The following PRKCI variants were observed in gnomAD, a reference collection of about 807,000 sequenced individuals.
The protein encoded by PRKCI is protein kinase C iota type.
A neutral mutation model predicts 84.0 loss-of-function variants in PRKCI; 43 were observed. The observed-to-expected ratio is 0.51, with a 90% CI of 0.40 to 0.66. PRKCI has a LOEUF of 0.66. Among genes scored for constraint, PRKCI ranks in the 30% least tolerant of loss-of-function variants. PRKCI has a pLI of 0.00. For missense variants in PRKCI, 459 were observed against 745.6 expected (o/e 0.62, Z 4.48); for synonymous variants, 216 against 234.4 (o/e 0.92, Z 0.72).
Position 170,295,180 on chromosome 3 carries a change from C to G in PRKCI, c.1418-731C>G, listed in dbSNP as rs868079104. Among the ~76,000 whole-genome samples, 5 of 151,108 alleles carry G rather than the reference C, an allele frequency of 3.3e-5. No individual in the cohort carries two copies. In the Middle Eastern group the frequency reaches 0.014, roughly 417 times the overall value. ...GAGCTGAGATCGTGCCACTGCACTC[C>G]AGTCTGGGCAAGACAGTGACACTCT... is the stretch of plus-strand genomic sequence containing the variant. On this transcript the variant is annotated intron_variant, in intron 14 of 17. Coordinates refer to ENST00000295797, the MANE Select transcript of PRKCI (RefSeq NM_002740.6).
intron 2 of PRKCI, among the ~76,000 whole-genome samples, chr3:170,239,539 G>C (rs182452333): frequency 1.3e-5 from 2 of 152,076 alleles, no homozygotes; most frequent in Admixed American, 6.6e-5. Context: ...TTTATTAGAC[G>C]TACTTAGTTT....
chr3:170,305,757 A>G lies in PRKCI; in HGVS notation c.*2630A>G, dbSNP rs1399650340. The G allele has an allele frequency of 6.6e-6, 1 of 152,192 alleles. No homozygotes were observed. The highest frequency in any genetic ancestry group is 1.5e-5 in the Non-Finnish European group (1 of 68,026). 9.4% of individuals were successfully genotyped at this position (152,192 alleles called of 1,614,324 possible). Reference sequence around the variant, plus strand: ...ATGGTTGGAATTTTGGCTTTCTAAGAAAAACTTTATTTTGCATAAGCATGT... The same window carrying G: ...ATGGTTGGAATTTTGGCTTTCTAAGGAAAACTTTATTTTGCATAAGCATGT... On this transcript the variant is annotated 3_prime_UTR_variant, in exon 18 of 18. Coordinates refer to ENST00000295797, the MANE Select transcript of PRKCI (RefSeq NM_002740.6).
Position 170,226,120 on chromosome 3 carries a change from C to T in PRKCI, c.101+3350C>T, listed in dbSNP as rs574013945. On this transcript the variant is annotated intron_variant, in intron 1 of 17. Coordinates refer to ENST00000295797, the MANE Select transcript of PRKCI (RefSeq NM_002740.6). ...AGAGACGGGTTTTCACCATGTTGGCCAGGTTGGTCTCCCAACTTCTGACCT... is the reference window on the plus strand; with the variant it reads ...AGAGACGGGTTTTCACCATGTTGGCTAGGTTGGTCTCCCAACTTCTGACCT... 3.9e-5 allele frequency among the ~76,000 whole-genome samples: 6 copies of T among 152,246 alleles called. No individual in the cohort carries two copies. In the South Asian group the frequency reaches 1.2e-3, roughly 32 times the overall value.
intron 2 of PRKCI, among the ~76,000 whole-genome samples, chr3:170,250,860 T>C (rs73034354): frequency 0.037 from 5,558 of 152,266 alleles, 170 homozygotes; most frequent in East Asian, 0.085. Context: ...ACTTGTTATT[T>C]ATCAGTGTAC....
intron 5 of PRKCI, among the ~76,000 whole-genome samples, chr3:170,269,118 T>C (rs543149882): frequency 3.9e-5 from 6 of 152,274 alleles, no homozygotes; most frequent in Non-Finnish European, 7.4e-5. Context: ...TTATACCTTG[T>C]TGGCCAAGCT....
At chr3:170,250,115 AC>A (rs58033753) in intron 2 of PRKCI, among the ~76,000 whole-genome samples, 18,295 of 151,674 alleles carry the variant, frequency 0.12, 1,321 homozygotes, top group East Asian at 0.25. Context: ...AAATACAAAA[AC>A]AAAAAAATTA....
In PRKCI at chr3:170,304,155, C is replaced by T. The variant is rs1405545817; in HGVS notation, c.*1028C>T. ...TTCCCTTTATTGGAAACTTTAACTG[C>T]AGTGTTAATATATACACTGCAAAAG... On this transcript the variant is annotated 3_prime_UTR_variant, in exon 18 of 18. Transcript: ENST00000295797. The T allele has an allele frequency of 6.6e-6, 1 of 151,982 alleles. No individual in the cohort carries two copies. The highest frequency in any genetic ancestry group is 1.9e-4 in the East Asian group (1 of 5,190). The allele number at this position is 151,982 out of a possible 1,614,324, so 9.4% of individuals were successfully genotyped here. A position where few individuals can be genotyped will look rare whatever the true frequency, so the allele number is the denominator to read the frequency against.
chr3:170,293,661 G>A (rs1392052635), intron 14 of PRKCI, among the ~76,000 whole-genome samples, 153 bp downstream of exon 14: 1 of 152,066 alleles, frequency 6.6e-6, no homozygotes, highest in Admixed American at 6.6e-5. Context: ...TGTTGTTTTT[G>A]TTTGTTTTTG....
chr3:170,263,582 G>A (rs71277167), intron 4 of PRKCI, among the ~76,000 whole-genome samples, 153 bp downstream of exon 4: 2,352 of 152,030 alleles, frequency 0.015, 39 homozygotes, highest in East Asian at 0.085. Flanking sequence ...TGGGAGGATC[G>A]CTTAAGCCCA....
At chr3:170,289,223 CGTT>C (rs1734476078) in intron 12 of PRKCI, among the ~76,000 whole-genome samples, 1 of 152,010 alleles carries the variant, frequency 6.6e-6, no homozygotes, top group Non-Finnish European at 1.5e-5. Flanking sequence ...AATGTATTGC[CGTT>C]GCCAATAATA....
intron 3 of PRKCI, 138 bp downstream of exon 3, chr3:170,260,196 TTAG>T (rs1733688739): frequency 7.0e-6 from 4 of 568,694 alleles, no homozygotes; most frequent in Non-Finnish European, 1.2e-5. Flanking sequence ...TTGTCGTTAT[TTAG>T]TAGTTTCTCA....
chr3:170,300,167 C>T (rs1295432376), intron 17 of PRKCI, among the ~76,000 whole-genome samples: 1 of 152,216 alleles, frequency 6.6e-6, no homozygotes, highest in Non-Finnish European at 1.5e-5. Context: ...ACAGTCTCTT[C>T]ATTTCAGAAG....
intron 2 of PRKCI, among the ~76,000 whole-genome samples, chr3:170,254,765 C>T (rs1243079490): frequency 6.6e-6 from 1 of 152,130 alleles, no homozygotes; most frequent in African/African-American, 2.4e-5. Flanking sequence ...GTGATCCCTC[C>T]AGTTTTGTTC....
intron 12 of PRKCI, among the ~76,000 whole-genome samples, chr3:170,285,576 G>A (rs545023288): frequency 6.6e-6 from 1 of 152,290 alleles, no homozygotes; most frequent in African/African-American, 2.4e-5. Flanking sequence ...AGAGCCTGGA[G>A]ATTATCTAAA....
At chr3:170,273,171 A>G in intron 6 of PRKCI, 115 bp from the exon 7 acceptor site, 1 of 810,936 alleles carries the variant, frequency 1.2e-6, no homozygotes, top group Non-Finnish European at 2.0e-6. Flanking sequence ...ATTCTCACTT[A>G]AGTTATATTC....
At chr3:170,269,003 C>G (rs1289158554) in intron 5 of PRKCI, among the ~76,000 whole-genome samples, 1 of 152,102 alleles carries the variant, frequency 6.6e-6, no homozygotes, top group Non-Finnish European at 1.5e-5. Context: ...CAACCTGCAT[C>G]TCTTGGGTTC....
intron 3 of PRKCI, among the ~76,000 whole-genome samples, chr3:170,260,689 G>C (rs977497865): frequency 6.6e-6 from 1 of 152,010 alleles, no homozygotes; most frequent in Non-Finnish European, 1.5e-5. Context: ...CTGGCCTCAA[G>C]AGATCCGCCT....
At chr3:170,297,415 A>G in intron 16 of PRKCI, 22 bp downstream of exon 16, 1 of 1,566,906 alleles carries the variant, frequency 6.4e-7, no homozygotes, top group East Asian at 2.3e-5. Context: ...TTGATTACTC[A>G]ACTATTAGGT....
chr3:170,303,824 C>T lies in PRKCI; in HGVS notation c.*697C>T, dbSNP rs372270690. On this transcript the variant is annotated 3_prime_UTR_variant, in exon 18 of 18. Coordinates refer to ENST00000295797, the MANE Select transcript of PRKCI (RefSeq NM_002740.6). ...TTGGCCTGGTCAACATGGTGAAATC[C>T]TGTCTCTACTAAAAATACAAAAATT... 2.6e-4 allele frequency: 47 copies of T among 180,702 alleles called. No homozygotes were observed. The East Asian group carries it at 3.1e-3, about 12-fold the overall frequency. The allele number at this position is 180,702 out of a possible 1,614,324, so 11.2% of individuals were successfully genotyped here.
Sources: gnomAD v4.1 joint callset for allele counts (sites outside exome capture counted in the v4.1 genomes callset) on GRCh38, gnomAD v4.1.1 for gene constraint, MANE v1.5 for transcripts, NCBI Gene and HGNC (gene_info 2026-07-23, HGNC 2026-07-21) for gene names.